TYW2: variants seen among roughly 807,000 people sequenced by gnomAD.
The protein encoded by TYW2 is tRNA wybutosine-synthesizing protein 2, also known as tRNA wybutosine-synthesizing protein 2 homolog.
At chr8:124,452,196 A>G in the TYW2 span, 3 of 1,614,216 alleles carry the variant, frequency 1.9e-6, no homozygotes, top group South Asian at 1.1e-5. Flanking sequence ...TGCACATCCA[A>G]CCAGTGAAAT....
At chr8:124,451,365 C>T in the TYW2 span, 1 of 1,614,138 alleles carries the variant, frequency 6.2e-7, no homozygotes, top group Non-Finnish European at 8.5e-7. Flanking sequence ...TGAGTGAAGA[C>T]TGTTTCCAAG....
the TYW2 span, chr8:124,452,446 T>C: frequency 3.1e-6 from 2 of 642,962 alleles, no homozygotes; most frequent in Non-Finnish European, 5.2e-6. Context: ...CTTTCATTGA[T>C]AACAGAAAAT....
chr8:124,452,381 C>T, the TYW2 span: 2 of 1,146,768 alleles, frequency 1.7e-6, no homozygotes, highest in South Asian at 1.6e-5. Context: ...CAGTTTTTTT[C>T]ATATTTTATA....
the TYW2 span, chr8:124,451,651 T>TA: frequency 6.2e-7 from 1 of 1,614,230 alleles, no homozygotes; most frequent in Non-Finnish European, 8.5e-7. Context: ...GGTGGATCTC[T>TA]ATGCAGGGAT....
At chr8:124,452,363 C>A in the TYW2 span, 1 of 1,360,322 alleles carries the variant, frequency 7.4e-7, no homozygotes, top group Admixed American at 2.4e-5. Flanking sequence ...CTTTTGTCCC[C>A]TGGTGATCAG....
chr8:124,452,232 A>G, the TYW2 span: 2 of 1,614,206 alleles, frequency 1.2e-6, no homozygotes, highest in Non-Finnish European at 1.7e-6. Context: ...TGGATCACAT[A>G]GTCCTGGATC....
At chr8:124,450,845 G>A in the TYW2 span, 2 of 1,493,302 alleles carry the variant, frequency 1.3e-6, no homozygotes, top group Non-Finnish European at 1.8e-6. Flanking sequence ...ATGGCCGGGT[G>A]AGCTGCAGGC....
the TYW2 span, chr8:124,451,591 A>C: frequency 6.2e-7 from 1 of 1,614,208 alleles, no homozygotes; most frequent in South Asian, 1.1e-5. Context: ...CTTTGGAAAC[A>C]TCACTGAGAA....
chr8:124,452,470 G>A, the TYW2 span: 3 of 583,158 alleles, frequency 5.1e-6, no homozygotes, highest in Admixed American at 7.0e-5. Flanking sequence ...ATACCTGTTT[G>A]GGAGAAGCAG....
At chr8:124,451,535 A>T in the TYW2 span, 3 of 1,614,186 alleles carry the variant, frequency 1.9e-6, no homozygotes, top group South Asian at 3.3e-5. Context: ...GAGCATGTGG[A>T]TAATGGTATC....
chr8:124,451,708 G>C, the TYW2 span: 1 of 1,614,162 alleles, frequency 6.2e-7, no homozygotes, highest in Non-Finnish European at 8.5e-7. Context: ...TGCTGCCTTC[G>C]TCCATGCTTG....
the TYW2 span, chr8:124,452,206 T>C: frequency 6.2e-7 from 1 of 1,614,138 alleles, no homozygotes; most frequent in South Asian, 1.1e-5. Context: ...ACCAGTGAAA[T>C]CCTATGCTCC....
chr8:124,451,793 T>C, the TYW2 span: 1 of 1,614,136 alleles, frequency 6.2e-7, no homozygotes, highest in Non-Finnish European at 8.5e-7. Flanking sequence ...CGGTGCCAAA[T>C]ACACTTTGGA....
At chr8:124,451,024 T>G in the TYW2 span, 3 of 1,614,124 alleles carry the variant, frequency 1.9e-6, no homozygotes, top group Non-Finnish European at 2.5e-6. Context: ...TACCCAGCGA[T>G]ACAGAGAATA....
At chr8:124,452,291 G>T in the TYW2 span, 6 of 1,607,922 alleles carry the variant, frequency 3.7e-6, no homozygotes, top group Non-Finnish European at 5.1e-6. Context: ...TAGATCCTGG[G>T]ACACATGGGA....
chr8:124,451,811 G>A, the TYW2 span: 1 of 1,614,170 alleles, frequency 6.2e-7, no homozygotes, highest in South Asian at 1.1e-5. Context: ...GGAGATAACA[G>A]AAAACTGAAG....
chr8:124,451,149 G>T, the TYW2 span: 1 of 1,614,106 alleles, frequency 6.2e-7, no homozygotes, highest in East Asian at 2.2e-5. Flanking sequence ...TGCAGGAGCT[G>T]AGGAATCGTG....
chr8:124,451,649 T>C, the TYW2 span: 13 of 1,614,214 alleles, frequency 8.1e-6, no homozygotes, highest in South Asian at 1.4e-4. Flanking sequence ...CTGGTGGATC[T>C]CTATGCAGGG....
At chr8:124,450,865 T>A in the TYW2 span, 1 of 1,548,022 alleles carries the variant, frequency 6.5e-7, no homozygotes. Flanking sequence ...CTACCTTATT[T>A]AAGACCGGGA....
Sources: allele counts gnomAD v4.1 joint callset, GRCh38; gene constraint gnomAD v4.1.1; transcripts MANE v1.5; gene names NCBI Gene and HGNC (gene_info 2026-07-23, HGNC 2026-07-21).